EXD3: variants seen among roughly 807,000 people sequenced by gnomAD.
The protein encoded by EXD3 is exonuclease mut-7 homolog.
A neutral mutation model predicts 98.0 loss-of-function variants in EXD3; 92 were observed. That is an observed-to-expected ratio of 0.94 (90% CI 0.79 to 1.12). EXD3 has a LOEUF of 1.12. Among genes scored for constraint, EXD3 ranks in the 50% most tolerant of loss-of-function variants. The probability of loss-of-function intolerance (pLI) is 0.00; values close to 1 mark genes in which losing one functional copy is unlikely to be tolerated. For missense variants in EXD3, 1,222 were observed against 1,191.6 expected, an observed-to-expected ratio of 1.03 and a Z score of -0.38; for synonymous variants, 569 against 526.0, an observed-to-expected ratio of 1.08 and a Z score of -1.12.
chr9:137,308,705 C>T (rs535141566), intron 20 of EXD3, among the ~76,000 whole-genome samples: 3 of 147,294 alleles, frequency 2.0e-5, no homozygotes, highest in Non-Finnish European at 4.5e-5. Flanking sequence ...GGTGTGATCT[C>T]GGCTCACTGC....
chr9:137,391,268 C>G (rs767442754), intron 2 of EXD3, among the ~76,000 whole-genome samples: 1 of 152,258 alleles, frequency 6.6e-6, no homozygotes, highest in Non-Finnish European at 1.5e-5. Context: ...GAAAAGTGGC[C>G]TCTCCTGCGG....
intron 2 of EXD3, among the ~76,000 whole-genome samples, chr9:137,386,356 T>C (rs1271211058): frequency 1.3e-5 from 2 of 152,066 alleles, no homozygotes; most frequent in African/African-American, 4.8e-5. Context: ...CAAATCGAGA[T>C]CCACCTTTCC....
rs1376034053 is a variant in EXD3 at position 137,324,044 on chromosome 9, G to T, written c.2052+46C>A. 1 of 1,559,840 alleles carries T rather than the reference G, an allele frequency of 6.4e-7. No homozygotes were observed. The highest frequency in any genetic ancestry group is 8.7e-7 in the Non-Finnish European group (1 of 1,151,372). ...GGGTGGCCGAGGGGCTGGGGGCTTG[G>T]GAAGATGGGGCTCAGGCCCACTGAG... is the stretch of plus-strand genomic sequence containing the variant. On this transcript the variant is annotated intron_variant, in intron 18 of 21. Transcript: ENST00000340951. The surrounding 1 kb of genome is among the most constrained non-coding windows in gnomAD (Gnocchi z 4.1).
At chr9:137,346,238 C>CAA (rs563761495) in intron 17 of EXD3, among the ~76,000 whole-genome samples, 142 of 13,588 alleles carry the variant, frequency 0.01, 19 homozygotes, top group Middle Eastern at 0.11. Context: ...GACTCCGTCT[C>CAA]AAAAAAAAAA....
In EXD3 at chr9:137,393,074, G is replaced by A. The variant is rs1180398818; in HGVS notation, c.55+2229C>T. 2.4e-5 allele frequency: 16 copies of A among 667,264 alleles called. No individual in the cohort carries two copies. The highest frequency in any genetic ancestry group is 3.9e-4 in the Middle Eastern group (1 of 2,554). The allele number at this position is 667,264 out of a possible 1,614,324, so 41.3% of individuals were successfully genotyped here. The stretch of plus-strand genomic sequence containing the variant: ...TGCTGAGGCTGTTCCAGGGGGCACC[G>A]AGGCTGTTCTCGGTGGGGGTGCCGT... On this transcript the variant is annotated intron_variant, in intron 2 of 21. Transcript: ENST00000340951. The surrounding 1 kb of genome is among the most constrained non-coding windows in gnomAD (Gnocchi z 4.6).
chr9:137,390,890 G>A (rs1389739183), intron 2 of EXD3, among the ~76,000 whole-genome samples: 1 of 152,252 alleles, frequency 6.6e-6, no homozygotes, highest in Non-Finnish European at 1.5e-5. Context: ...GCCAGTGGAC[G>A]CTGAGGGCAG....
rs953110919 is a variant in EXD3, at chr9:137,405,929, C to T, written c.-47-10525G>A. On this transcript the variant is annotated intron_variant, in intron 1 of 21. Coordinates refer to ENST00000340951, the MANE Select transcript of EXD3 (RefSeq NM_017820.5). This position sits in a 1 kb window ranked among gnomAD's most constrained non-coding sequence, Gnocchi z 4.1. ...TCTGTGCTCTGAAGAGTGAATAAAA[C>T]GTGAAACTGGCTGGGCACGGTGGCT... is the stretch of plus-strand genomic sequence containing the variant. Among the ~76,000 whole-genome samples, 9 of 152,322 alleles carry T rather than the reference C, an allele frequency of 5.9e-5. No individual in the cohort carries two copies. The highest frequency in any genetic ancestry group is 1.9e-4 in the East Asian group (1 of 5,184).
chr9:137,336,071 A>T (rs1467872906), intron 17 of EXD3, among the ~76,000 whole-genome samples: 1 of 152,212 alleles, frequency 6.6e-6, no homozygotes, highest in Non-Finnish European at 1.5e-5. Context: ...CTCACTTATA[A>T]GTGGGAACTA....
chr9:137,346,045 T>G (rs1300372486), intron 17 of EXD3: 3 of 151,474 alleles, frequency 2.0e-5, no homozygotes, highest in Admixed American at 2.0e-4. Flanking sequence ...CCATCCTGGC[T>G]AACATGGTGA....
At chr9:137,412,536 AAC>A (rs1298510118) in intron 1 of EXD3, among the ~76,000 whole-genome samples, 1 of 152,072 alleles carries the variant, frequency 6.6e-6, no homozygotes, top group African/African-American at 2.4e-5. Context: ...CCACTCCCCA[AAC>A]AGTGTCAGTG....
At position 137,347,981 on chromosome 9, in the gene EXD3, G is replaced by A. The variant is rs1834020333; in HGVS notation, c.1998+90C>T. 3 of 1,410,446 alleles carry A rather than the reference G, an allele frequency of 2.1e-6. No homozygotes were observed. Among genetic ancestry groups the A allele is most frequent in the African/African-American group, 1.4e-5 (1 of 69,932 alleles). 87.4% of individuals were successfully genotyped at this position (1,410,446 alleles called of 1,614,324 possible). ...ACAGCTGGCAGCCATGGATGAGCTG[G>A]AGGGAGGAGTTTGATGCTAGGGGTG... On this transcript the variant is annotated intron_variant, in intron 17 of 21. Transcript: ENST00000340951. The surrounding 1 kb of genome is among the most constrained non-coding windows in gnomAD (Gnocchi z 4.2).
intron 17 of EXD3, among the ~76,000 whole-genome samples, chr9:137,341,095 C>T (rs1421382629): frequency 1.3e-5 from 2 of 152,282 alleles, no homozygotes; most frequent in East Asian, 1.9e-4. Context: ...GCAGGAGGGT[C>T]GCTCGAGGCC....
chr9:137,356,583 A>G (rs535076982), intron 7 of EXD3, among the ~76,000 whole-genome samples: 1 of 152,176 alleles, frequency 6.6e-6, no homozygotes, highest in Non-Finnish European at 1.5e-5. Flanking sequence ...TCCAGATAAC[A>G]TCCTTGGATT....
Position 137,348,150 on chromosome 9 carries a change from C to T in EXD3, c.1919G>A (p.Gly640Glu). 2 of 1,612,222 alleles carry T rather than the reference C, an allele frequency of 1.2e-6. No individual in the cohort carries two copies. The highest frequency in any genetic ancestry group is 1.1e-5 in the South Asian group (1 of 91,020). The change falls in exon 17 of 22, where the codon GGG (glycine) becomes GAG (glutamate). Residue 640 changes from glycine (G) to glutamate (E), a missense_variant. By Grantham distance (98) the Gly-to-Glu change is moderately conservative. Coordinates refer to ENST00000340951, the MANE Select transcript of EXD3 (RefSeq NM_017820.5). ...GAGACAGCGGAGGCTCCGTGCCAGCCCCTGCAGCATGTTGTCACACACCAC... is the reference window on the plus strand; with the variant it reads ...GAGACAGCGGAGGCTCCGTGCCAGCTCCTGCAGCATGTTGTCACACACCAC... Reference protein sequence around the residue: ...FRVVCDNMLQGLARSLRCLGV... With the variant: ...FRVVCDNMLQELARSLRCLGV...
chr9:137,391,313 C>T (rs922990478), intron 2 of EXD3, among the ~76,000 whole-genome samples: 4 of 152,336 alleles, frequency 2.6e-5, no homozygotes, highest in Non-Finnish European at 4.4e-5. Context: ...CCACACTGGG[C>T]GGGTGCCGAG....
rs545690446 is a variant in EXD3, at chr9:137,332,688, C to CA, written c.1999-8546dup. 3.0e-4 allele frequency among the ~76,000 whole-genome samples: 45 copies of CA among 149,392 alleles called. No homozygotes were observed. The South Asian group carries it at 9.0e-3, about 30-fold the overall frequency. ...GAAACCCCGTCTCTACTAAAAAGCA[C>CA]AAAAAAACTAGCCATGCATGGTGGC... On this transcript the variant is annotated intron_variant, in intron 17 of 21. Transcript: ENST00000340951.
At chr9:137,319,510 G>T (rs745849714) in intron 19 of EXD3, among the ~76,000 whole-genome samples, 1 of 152,214 alleles carries the variant, frequency 6.6e-6, no homozygotes, top group Non-Finnish European at 1.5e-5. Context: ...AGGCTGCAGT[G>T]CTGCTGGAGT....
In EXD3 at chr9:137,395,501, G is replaced by T; in HGVS notation, c.-47-97C>A. 1 of 1,196,718 alleles carries T rather than the reference G, an allele frequency of 8.4e-7. No homozygotes were observed. The highest frequency in any genetic ancestry group is 1.2e-6 in the Non-Finnish European group (1 of 848,916). 74.1% of individuals were successfully genotyped at this position (1,196,718 alleles called of 1,614,324 possible). The stretch of plus-strand genomic sequence containing the variant: ...GCCCCTGGAGGTGGTGGAGGGAGCT[G>T]GTGCCTGGGGGGGCCCAAGTGGGAC... On this transcript the variant is annotated intron_variant, in intron 1 of 21. Coordinates refer to ENST00000340951, the MANE Select transcript of EXD3 (RefSeq NM_017820.5). The surrounding 1 kb of genome is among the most constrained non-coding windows in gnomAD (Gnocchi z 6.5).
At chr9:137,377,816 CAG>C (rs1169461061) in intron 3 of EXD3, among the ~76,000 whole-genome samples, 16 of 128,840 alleles carry the variant, frequency 1.2e-4, no homozygotes, top group Non-Finnish European at 2.5e-4. Context: ...TTTCCTGGGA[CAG>C]AGTCTTGCTC....
Sources: gnomAD v4.1 joint callset for allele counts (sites outside exome capture counted in the v4.1 genomes callset) on GRCh38, gnomAD v4.1.1 for gene constraint, Gnocchi (gnomAD v3.1) non-coding constraint, MANE v1.5 for transcripts, NCBI Gene and HGNC (gene_info 2026-07-23, HGNC 2026-07-21) for gene names.